The following KIAA0825 variants were observed in gnomAD, a reference collection of about 807,000 sequenced individuals.
KIAA0825 encodes the protein KIAA0825, also known as uncharacterized protein KIAA0825.
KIAA0825 carries 119 observed loss-of-function variants against 147.6 expected under a neutral mutation model. That is an observed-to-expected ratio of 0.81 (90% CI 0.69 to 0.94). The LOEUF (loss-of-function observed/expected upper bound fraction) is 0.94, where lower values mean the gene tolerates loss of function less well. KIAA0825 is among the 40% of genes least tolerant of loss of function. KIAA0825 has a pLI of 0.00. For synonymous variants in KIAA0825, 470 were observed against 518.1 expected (o/e 0.91, Z 1.26); for missense variants, 1,381 against 1,472.7 (o/e 0.94, Z 1.02).
chr5:94,420,194 A>G (rs1562480034), intron 14 of KIAA0825, among the ~76,000 whole-genome samples: 1 of 152,120 alleles, frequency 6.6e-6, no homozygotes, highest in Non-Finnish European at 1.5e-5. Flanking sequence ...AAGCGAGGCA[A>G]TCAACAGAGC....
chr5:94,154,043 C>T lies in KIAA0825; in HGVS notation c.3792G>A (p.Gln1264=), dbSNP rs936710682. 1.5e-5 allele frequency: 24 copies of T among 1,551,546 alleles called. No homozygotes were observed. In the Admixed American group the frequency reaches 4.7e-4, roughly 30 times the overall value. Residue 1264 remains glutamine (Q), a synonymous_variant, in exon 21 of 21, where the codon CAG becomes CAA. Transcript: ENST00000682413. ...CTATGTTATCTGAGGCAGAAGAGTT[C>T]TGTGGGGTGCAAATTTGTTTTAAGT... The part of the protein sequence containing the change: ...LEHLKQICTP[Q]NSSASDNIEE...
intron 20 of KIAA0825, among the ~76,000 whole-genome samples, chr5:94,192,028 G>A (rs887957477): frequency 1.3e-5 from 2 of 152,210 alleles, no homozygotes; most frequent in African/African-American, 4.8e-5. Context: ...GGGAAAAGAT[G>A]CACAAAAAAA....
intron 20 of KIAA0825, among the ~76,000 whole-genome samples, chr5:94,185,045 G>A (rs1770000355): frequency 6.6e-6 from 1 of 152,160 alleles, no homozygotes; most frequent in African/African-American, 2.4e-5. Flanking sequence ...TAATCAGGCT[G>A]GGGCTCTCTG....
intron 20 of KIAA0825, among the ~76,000 whole-genome samples, chr5:94,360,162 T>G (rs571513422): frequency 4.6e-5 from 7 of 152,236 alleles, no homozygotes; most frequent in African/African-American, 1.7e-4. Context: ...GTCCTAAAGG[T>G]AGGCATAGCC....
intron 20 of KIAA0825, among the ~76,000 whole-genome samples, chr5:94,202,549 C>T (rs1010241991): frequency 6.6e-6 from 1 of 152,162 alleles, no homozygotes; most frequent in Non-Finnish European, 1.5e-5. Flanking sequence ...ATGGTTCTGA[C>T]TGTACAGGTT....
intron 20 of KIAA0825, among the ~76,000 whole-genome samples, chr5:94,378,362 T>C (rs1401067493): frequency 1.3e-5 from 2 of 152,190 alleles, no homozygotes; most frequent in Non-Finnish European, 2.9e-5. Flanking sequence ...AGTATTTGGT[T>C]TTCTGTTCCT....
At chr5:94,564,060 T>G (rs1480215587) in intron 2 of KIAA0825, among the ~76,000 whole-genome samples, 1 of 152,110 alleles carries the variant, frequency 6.6e-6, no homozygotes, top group Non-Finnish European at 1.5e-5. Flanking sequence ...GATGTCAGTC[T>G]TCCCTCCAAC....
chr5:94,215,767 T>A (rs1211752327), intron 20 of KIAA0825, among the ~76,000 whole-genome samples: 1 of 152,108 alleles, frequency 6.6e-6, no homozygotes, highest in Non-Finnish European at 1.5e-5. Flanking sequence ...CTGGTTGCCC[T>A]CCTACTCTTA....
At chr5:94,205,178 TG>T (rs1415798125) in intron 20 of KIAA0825, among the ~76,000 whole-genome samples, 2 of 149,654 alleles carry the variant, frequency 1.3e-5, no homozygotes, top group Non-Finnish European at 3.0e-5. Context: ...CTTTGGTAGT[TG>T]GTGTGTGTGT....
chr5:94,161,336 T>C (rs760041244), intron 20 of KIAA0825, among the ~76,000 whole-genome samples: 1 of 152,226 alleles, frequency 6.6e-6, no homozygotes, highest in Non-Finnish European at 1.5e-5. Context: ...TTCTCACGCA[T>C]TGTGTTTTCC....
At chr5:94,234,236 T>G (rs1774906051) in intron 20 of KIAA0825, among the ~76,000 whole-genome samples, 1 of 151,632 alleles carries the variant, frequency 6.6e-6, no homozygotes, top group Non-Finnish European at 1.5e-5. Context: ...CCGGGCGTGG[T>G]GGCGGGCACC....
Position 94,360,650 on chromosome 5 carries a change from G to A in KIAA0825, c.3710+23718C>T, listed in dbSNP as rs554246685. On this transcript the variant is annotated intron_variant, in intron 20 of 20. Coordinates refer to ENST00000682413, the MANE Select transcript of KIAA0825 (RefSeq NM_001145678.3). ...TGCTGTGACAGTGGACAAATGCCAT[G>A]GCAGTGTACAGAAGTTACCCTATAT... Among the ~76,000 whole-genome samples, 61 of 152,322 alleles carry A rather than the reference G, an allele frequency of 4.0e-4. 1 individual carries two copies. Among genetic ancestry groups the A allele is most frequent in the African/African-American group, 1.4e-3 (59 of 41,582 alleles).
intron 3 of KIAA0825, among the ~76,000 whole-genome samples, chr5:94,536,750 C>G (rs1479705812): frequency 6.6e-6 from 1 of 152,094 alleles, no homozygotes; most frequent in East Asian, 1.9e-4. Context: ...AACATTAGTG[C>G]CAATTCAATA....
intron 20 of KIAA0825, among the ~76,000 whole-genome samples, chr5:94,161,403 C>A (rs1767568821): frequency 6.6e-6 from 1 of 152,160 alleles, no homozygotes; most frequent in African/African-American, 2.4e-5. Flanking sequence ...GCCTTTCCAC[C>A]TACCCCAAAC....
At chr5:94,225,916 A>G (rs1774119276) in intron 20 of KIAA0825, among the ~76,000 whole-genome samples, 1 of 152,244 alleles carries the variant, frequency 6.6e-6, no homozygotes, top group South Asian at 2.1e-4. Context: ...AAACCCTAGA[A>G]GAAATCCTAG....
At chr5:94,536,920 G>A (rs992845647) in intron 3 of KIAA0825, 76 bp downstream of exon 3, 2 of 1,011,238 alleles carry the variant, frequency 2.0e-6, no homozygotes, top group African/African-American at 3.2e-5. Flanking sequence ...CTAAGAGCAG[G>A]ATACAAATAG....
intron 1 of KIAA0825, among the ~76,000 whole-genome samples, chr5:94,616,242 G>A (rs1320063084): frequency 6.6e-6 from 1 of 152,114 alleles, no homozygotes; most frequent in Non-Finnish European, 1.5e-5. Flanking sequence ...CTATACAGTT[G>A]TAAAACAGGA....
chr5:94,515,532 T>C (rs10476529), intron 5 of KIAA0825, among the ~76,000 whole-genome samples: 137,552 of 152,208 alleles, frequency 0.9, 62,429 homozygotes, highest in African/African-American at 0.98. Flanking sequence ...TGGCTCACTC[T>C]TGTAATCCCA....
At chr5:94,600,799 G>A (rs965551749) in intron 1 of KIAA0825, among the ~76,000 whole-genome samples, 3 of 152,198 alleles carry the variant, frequency 2.0e-5, no homozygotes, top group Non-Finnish European at 2.9e-5. Context: ...CTCTACAAAA[G>A]TGTGACCAGA....
Sources: gnomAD v4.1 joint callset for allele counts (sites outside exome capture counted in the v4.1 genomes callset) on GRCh38, gnomAD v4.1.1 for gene constraint, MANE v1.5 for transcripts, NCBI Gene and HGNC (gene_info 2026-07-23, HGNC 2026-07-21) for gene names.